The following MIER1 variants were observed in gnomAD, a reference collection of about 807,000 sequenced individuals.
MIER1 encodes the protein mesoderm induction early response protein 1.
In MIER1, 40 loss-of-function variants were observed where a neutral mutation model predicts 75.7. The ratio of observed to expected loss-of-function variants is 0.53; its 90% CI spans 0.41 to 0.69. The LOEUF (loss-of-function observed/expected upper bound fraction) is 0.69, where lower values mean the gene tolerates loss of function less well. Ranked by LOEUF, MIER1 falls within the 30% of genes least tolerant of loss-of-function variation. The pLI is 0.00. For synonymous variants in MIER1, 213 were observed against 223.4 expected (o/e 0.95, Z 0.42); for missense variants, 574 against 680.2 (o/e 0.84, Z 1.74).
intron 7 of MIER1, 50 bp from the exon 8 acceptor site, chr1:66,963,038 T>G (rs774027505): frequency 7.8e-7 from 1 of 1,277,706 alleles, no homozygotes; most frequent in East Asian, 2.4e-5. Context: ...AAAATGGATA[T>G]AAAATCTGTT....
intron 3 of MIER1, chr1:66,940,265 GTTTTC>G: frequency 3.4e-6 from 1 of 297,146 alleles, no homozygotes. Flanking sequence ...CTATTTTTGG[GTTTTC>G]TTTTTTTTTT....
chr1:66,955,738 A>G (rs1423361824), intron 4 of MIER1, among the ~76,000 whole-genome samples: 6 of 152,168 alleles, frequency 3.9e-5, no homozygotes, highest in Admixed American at 3.9e-4. Flanking sequence ...TCAGTTGCAA[A>G]CTGTTAACGC....
In MIER1 at chr1:66,931,641, C is replaced by T. The variant is rs187000427; in HGVS notation, c.168+5399C>T. 2.2e-3 allele frequency among the ~76,000 whole-genome samples: 339 copies of T among 152,006 alleles called. 1 individual carries two copies. Among genetic ancestry groups the T allele is most frequent in the African/African-American group, 7.9e-3 (328 of 41,446 alleles). On this transcript the variant is annotated intron_variant, in intron 2 of 13. Transcript: ENST00000401041. ...TTAGATCTTAGATTTATTTTCATTT[C>T]TTTTGCTCTTGGTGGTTAAAGAATT...
chr1:66,949,496 C>T lies in MIER1; in HGVS notation c.339+3201C>T, dbSNP rs186739116. Among the ~76,000 whole-genome samples the T allele has an allele frequency of 2.2e-3, 334 of 152,246 alleles. 2 individuals are homozygous for T. The highest frequency in any genetic ancestry group is 7.5e-3 in the African/African-American group (310 of 41,546). On this transcript the variant is annotated intron_variant, in intron 4 of 13. Transcript: ENST00000401041. ...AGATAGGGAAAAAAAGACAGTTGAACCAATCCTTTATCATCCTTTCAACTA... is the reference window on the plus strand; with the variant it reads ...AGATAGGGAAAAAAAGACAGTTGAATCAATCCTTTATCATCCTTTCAACTA...
intron 8 of MIER1, 95 bp downstream of exon 8, chr1:66,963,255 ACT>A (rs1661619729): frequency 1.3e-6 from 1 of 770,078 alleles, no homozygotes; most frequent in African/African-American, 1.7e-5. Context: ...ATGACAGCCT[ACT>A]AAGTAACCCC....
intron 2 of MIER1, among the ~76,000 whole-genome samples, chr1:66,937,172 A>G (rs1054416737): frequency 9.9e-5 from 15 of 152,160 alleles, no homozygotes; most frequent in African/African-American, 3.6e-4. Flanking sequence ...ACCACCTACC[A>G]TGGAACCTTG....
At position 66,942,158 on chromosome 1, in the gene MIER1, A is replaced by G. The variant is rs72926048; in HGVS notation, c.193+2106A>G. ...CTTATAAATAATGTTAATTACAGCC[A>G]GTTATAAAAGTTAGTAGAGAAAATT... On this transcript the variant is annotated intron_variant, in intron 3 of 13. Coordinates refer to ENST00000401041, the MANE Select transcript of MIER1 (RefSeq NM_001077700.3). Among the ~76,000 whole-genome samples the G allele has an allele frequency of 1.7e-3, 260 of 152,324 alleles. 1 individual carries two copies. The highest frequency in any genetic ancestry group is 5.7e-3 in the African/African-American group (237 of 41,568).
At chr1:66,960,540 A>G (rs2985795) in intron 7 of MIER1, among the ~76,000 whole-genome samples, 119,472 of 152,102 alleles carry the variant, frequency 0.79, 47,324 homozygotes, top group East Asian at 0.88. Context: ...AGCTGGTTGC[A>G]GTGATGTTTC....
chr1:66,945,311 ATATAT>A (rs1657332498), intron 3 of MIER1, among the ~76,000 whole-genome samples: 8 of 82,912 alleles, frequency 9.6e-5, no homozygotes, highest in African/African-American at 2.0e-4. Context: ...ATATATATAT[ATATAT>A]AAAATACCTA....
chr1:66,933,187 G>A (rs1047417797), intron 2 of MIER1, among the ~76,000 whole-genome samples: 1 of 152,116 alleles, frequency 6.6e-6, no homozygotes, highest in African/African-American at 2.4e-5. Context: ...CAGGATAGTT[G>A]CAGTTTTACT....
chr1:66,935,536 A>G (rs2101127247), intron 2 of MIER1, among the ~76,000 whole-genome samples: 1 of 152,346 alleles, frequency 6.6e-6, no homozygotes, highest in East Asian at 1.9e-4. Context: ...TAGAGGAAGA[A>G]AATGAAAATG....
At position 66,976,723 on chromosome 1, in the gene MIER1, G is replaced by A. The variant is rs1664795677; in HGVS notation, c.1229+1G>A. The A allele has an allele frequency of 6.3e-7, 1 of 1,575,158 alleles. No homozygotes were observed. ...AATATAATCTTCATCCTGGTGTAAC[G>A]TGAGTTAATTTTTTCCTTAAGAGCT... On this transcript the variant is annotated splice_donor_variant, in intron 12 of 13. Transcript: ENST00000401041. LOFTEE classifies it high-confidence loss of function.
At chr1:66,981,448 C>G (rs1665859716) in intron 12 of MIER1, among the ~76,000 whole-genome samples, 2 of 152,138 alleles carry the variant, frequency 1.3e-5, no homozygotes, top group South Asian at 4.1e-4. Context: ...TGTACTTTTA[C>G]TAGACATCAC....
chr1:66,975,913 G>A (rs748059610), intron 11 of MIER1, among the ~76,000 whole-genome samples: 16 of 152,258 alleles, frequency 1.1e-4, no homozygotes, highest in Middle Eastern at 3.4e-3. Context: ...CTAGGTACCC[G>A]TACTCTGTGA....
intron 13 of MIER1, among the ~76,000 whole-genome samples, chr1:66,983,753 A>T (rs2102116995): frequency 6.6e-6 from 1 of 152,256 alleles, no homozygotes; most frequent in Admixed American, 6.5e-5. Context: ...TTTGAGACAG[A>T]GTCTCGCTTT....
chr1:66,934,465 G>T (rs1371872641), intron 2 of MIER1, among the ~76,000 whole-genome samples: 1 of 147,424 alleles, frequency 6.8e-6, no homozygotes, highest in African/African-American at 2.5e-5. Flanking sequence ...GTGCAGTGGC[G>T]CAAATCATAG....
intron 1 of MIER1, among the ~76,000 whole-genome samples, chr1:66,925,701 G>A (rs1348569068): frequency 6.6e-6 from 1 of 152,196 alleles, no homozygotes; most frequent in African/African-American, 2.4e-5. Flanking sequence ...GCTTGTAGTG[G>A]CTAGGTCCCT....
At chr1:66,983,847 CCTTCCGAGTAG>C (rs1666376190) in intron 13 of MIER1, among the ~76,000 whole-genome samples, 3 of 152,188 alleles carry the variant, frequency 2.0e-5, no homozygotes, top group African/African-American at 7.2e-5. Context: ...GCTGCCTCAG[CCTTCCGAGTAG>C]CTGGGAGACG....
intron 2 of MIER1, among the ~76,000 whole-genome samples, chr1:66,936,232 T>G (rs532971976): frequency 6.6e-6 from 1 of 152,274 alleles, no homozygotes; most frequent in African/African-American, 2.4e-5. Flanking sequence ...TTTGTTTTGT[T>G]TTTGTTTTTT....
Sources: gnomAD v4.1 joint callset for allele counts (sites outside exome capture counted in the v4.1 genomes callset) on GRCh38, gnomAD v4.1.1 for gene constraint, MANE v1.5 for transcripts, NCBI Gene and HGNC (gene_info 2026-07-23, HGNC 2026-07-21) for gene names.